The following RNASEL variants were observed in gnomAD, a reference collection of about 807,000 sequenced individuals.
RNASEL encodes the protein ribonuclease L.
Under a neutral mutation model 50.9 loss-of-function variants are expected in RNASEL, and 36 were observed. The ratio of observed to expected loss-of-function variants is 0.71; its 90% confidence interval spans 0.54 to 0.93. The LOEUF (loss-of-function observed/expected upper bound fraction) is 0.93, where lower values mean the gene tolerates loss of function less well. Among genes scored for constraint, RNASEL ranks in the 40% least tolerant of loss-of-function variants. The probability of loss-of-function intolerance (pLI) is 0.00; values close to 1 mark genes in which losing one functional copy is unlikely to be tolerated. For synonymous variants in RNASEL, 335 were observed against 335.6 expected, an observed-to-expected ratio of 1.00 and a Z score of 0.02; for missense variants, 860 against 894.5, an observed-to-expected ratio of 0.96 and a Z score of 0.49.
Position 182,586,329 on chromosome 1 carries a change from C to T in RNASEL, c.478G>A (p.Asp160Asn). 6.2e-7 allele frequency: 1 copy of T among 1,614,212 alleles called. No individual in the cohort carries two copies. Among genetic ancestry groups the T allele is most frequent in the Non-Finnish European group, 8.5e-7 (1 of 1,180,040 alleles). ...NVNLRRKTKE[D>N]QERLRKGGAT... ...CCTCCTTTCCTCAGCCGCTCTTGAT[C>T]CTCCTTTGTCTTTCGCCTCAAATTC... is the stretch of plus-strand genomic sequence containing the variant. The change falls in exon 2 of 7, where the codon GAT becomes AAT. Residue 160 changes from aspartate to asparagine, a missense_variant. Coordinates refer to ENST00000367559, the MANE Select transcript of RNASEL (RefSeq NM_021133.4).
chr1:182,580,905 G>A (rs1039788162), intron 5 of RNASEL, among the ~76,000 whole-genome samples: 1 of 152,078 alleles, frequency 6.6e-6, no homozygotes, highest in African/African-American at 2.4e-5. Context: ...AGCTGCTCGT[G>A]CCATAATGGC....
At chr1:182,579,959 G>A in intron 5 of RNASEL, 1 of 457,312 alleles carries the variant, frequency 2.2e-6, no homozygotes, top group Non-Finnish European at 4.4e-6. Flanking sequence ...ACCCCTTACT[G>A]GTTCTGTGTA....
rs775380634 is a variant in RNASEL at position 182,582,051 on chromosome 1, A to C, written c.1772+2T>G. On this transcript the variant is annotated splice_donor_variant, in intron 4 of 6. Transcript: ENST00000367559. LOFTEE classifies it high-confidence loss of function. The stretch of plus-strand genomic sequence containing the variant: ...GTGGCATCTGCACAAAGTTTTACTT[A>C]CCTCTCCCAAGTCCAAAAGAAGGGA... 1 of 1,613,906 alleles carries C rather than the reference A, an allele frequency of 6.2e-7. No homozygotes were observed.
chr1:182,582,075 G>T lies in RNASEL; in HGVS notation c.1750C>A (p.Pro584Thr). 6.2e-7 allele frequency: 1 copy of T among 1,614,150 alleles called. No homozygotes were observed. Among genetic ancestry groups the T allele is most frequent in the African/African-American group, 1.3e-5 (1 of 75,050 alleles). ...RDCLSDLLGHPFFWTWESRYR... is the reference protein window; with the variant it reads ...RDCLSDLLGHTFFWTWESRYR... ...TACCTCTCCCAAGTCCAAAAGAAGG[G>T]ATGACCCAGCAGGTCACTCAGACAG... The change falls in exon 4 of 7, where the codon CCC becomes ACC. Residue 584 changes from proline (P) to threonine (T), a missense_variant. Pro to Thr is a conservative substitution (Grantham distance 38). Transcript: ENST00000367559.
At chr1:182,582,771 G>A (rs1661520651) in intron 3 of RNASEL, among the ~76,000 whole-genome samples, 1 of 152,192 alleles carries the variant, frequency 6.6e-6, no homozygotes, top group African/African-American at 2.4e-5. Context: ...CACCAGTCAA[G>A]GAGGGAGCTG....
At chr1:182,589,043 C>G (rs892632498) in intron 1 of RNASEL, 124 bp downstream of exon 1, 1 of 152,306 alleles carries the variant, frequency 6.6e-6, no homozygotes. Context: ...CAGCCAAGGG[C>G]TGGGAGCTCC....
rs771436228 is a variant in RNASEL, at chr1:182,575,458, G to A, written c.2160C>T (p.His720=). The A allele has an allele frequency of 6.2e-7, 1 of 1,614,196 alleles. No homozygotes were observed. The highest frequency in any genetic ancestry group is 8.5e-7 in the Non-Finnish European group (1 of 1,180,034). ...CATCACACTGAGGCTTGTTTGGACT[G>A]TGGGTTTGGGGGAAATGCTTTCTAT... ...TEYRKHFPQT[H]SPNKPQCDGA... is the part of the protein sequence containing the mutation. The change falls in exon 7 of 7, where the codon CAC becomes CAT. Residue 720 remains histidine, a synonymous_variant. Coordinates refer to ENST00000367559, the MANE Select transcript of RNASEL (RefSeq NM_021133.4).
intron 5 of RNASEL, among the ~76,000 whole-genome samples, chr1:182,580,789 G>A (rs968071625): frequency 6.6e-6 from 1 of 152,220 alleles, no homozygotes. Flanking sequence ...TCTGTGTGTG[G>A]ATCCTGAGAG....
Position 182,573,836 on chromosome 1 carries a change from T to C in RNASEL, c.*1556A>G, listed in dbSNP as rs929875064. 4 of 190,224 alleles carry C rather than the reference T, an allele frequency of 2.1e-5. No homozygotes were observed. The highest frequency in any genetic ancestry group is 7.0e-5 in the African/African-American group (3 of 43,022). 11.8% of individuals were successfully genotyped at this position (190,224 alleles called of 1,614,324 possible). Reference sequence around the variant, plus strand: ...TCAGTGGTATCTATTTATCCATTGCTAGATACCTCCTTTTCAGAAAGAACC... The same window carrying C: ...TCAGTGGTATCTATTTATCCATTGCCAGATACCTCCTTTTCAGAAAGAACC... On this transcript the variant is annotated 3_prime_UTR_variant, in exon 7 of 7. Transcript: ENST00000367559.
Position 182,586,779 on chromosome 1 carries a change from G to A in RNASEL, c.28C>T (p.Gln10Ter), listed in dbSNP as rs748401301. The A allele has an allele frequency of 6.2e-7, 1 of 1,614,230 alleles. No individual in the cohort carries two copies. Among genetic ancestry groups the A allele is most frequent in the Non-Finnish European group, 8.5e-7 (1 of 1,180,044 alleles). Residue 10 changes from glutamine (Q) to a stop codon, truncating the protein, a stop_gained, in exon 2 of 7, where the codon CAG (glutamine) becomes TAG (stop). Transcript: ENST00000367559. LOFTEE classifies it high-confidence loss of function. ...CCGCTGGAGGACGTGGGTCCCTCCT[G>A]GGGGTTGTTATGATCCCTGCTCTCC... MESRDHNNP[Q>*]EGPTSSSGRR... is the part of the protein sequence containing the mutation.
At chr1:182,585,298 T>C in intron 2 of RNASEL, 29 bp downstream of exon 2, 1 of 1,609,522 alleles carries the variant, frequency 6.2e-7, no homozygotes. Context: ...CCACAATTTC[T>C]AAGAGAGAAT....
Position 182,586,272 on chromosome 1 carries a change from C to T in RNASEL, c.535G>A (p.Gly179Arg), listed in dbSNP as rs1306736211. 6.2e-7 allele frequency: 1 copy of T among 1,614,076 alleles called. No homozygotes were observed. Among genetic ancestry groups the T allele is most frequent in the African/African-American group, 1.3e-5 (1 of 74,924 alleles). ...ATALMDAAEK[G>R]HVEVLKILLD... ...AGAATCTTCAAGACCTCTACGTGTC[C>T]TTTTTCAGCAGCGTCCATGAGAGCT... The change falls in exon 2 of 7, where the codon GGA becomes AGA. Residue 179 changes from glycine to arginine, a missense_variant. By Grantham distance (125) the Gly-to-Arg change is moderately radical (BLOSUM62 -2). Coordinates refer to ENST00000367559, the MANE Select transcript of RNASEL (RefSeq NM_021133.4).
Position 182,586,505 on chromosome 1 carries a change from A to G in RNASEL, c.302T>C (p.Ile101Thr), listed in dbSNP as rs115634589. Residue 101 changes from isoleucine (I) to threonine (T), a missense_variant, in exon 2 of 7, where the codon ATT becomes ACT. Ile to Thr is a moderately conservative substitution (Grantham distance 89, BLOSUM62 -1). Coordinates refer to ENST00000367559, the MANE Select transcript of RNASEL (RefSeq NM_021133.4). ...NGATPFILAAIAGSVKLLKLF... is the reference protein window; with the variant it reads ...NGATPFILAATAGSVKLLKLF... Reference sequence around the variant, plus strand: ...TTTCAGCAGCTTCACGCTCCCCGCAATCGCTGCGAGGATAAAAGGCGTGGC... The same window carrying G: ...TTTCAGCAGCTTCACGCTCCCCGCAGTCGCTGCGAGGATAAAAGGCGTGGC... 916 of 1,611,628 alleles carry G rather than the reference A, an allele frequency of 5.7e-4. 1 individual carries two copies. Among genetic ancestry groups the G allele is most frequent in the Middle Eastern group, 4.1e-3 (25 of 6,052 alleles).
chr1:182,582,114 C>A lies in RNASEL; in HGVS notation c.1711G>T (p.Glu571Ter). The change falls in exon 4 of 7, where the codon GAA (glutamate) becomes TAA (stop). Residue 571 changes from glutamate to a stop codon, truncating the protein, a stop_gained. Coordinates refer to ENST00000367559, the MANE Select transcript of RNASEL (RefSeq NM_021133.4). LOFTEE classifies it high-confidence loss of function. ...DLIHRLFHPG[E>*]HVRDCLSDLL... ...TCACTCAGACAGTCCCTCACATGTT[C>A]CCCAGGATGGAAGAGACGATGAATG... 1 of 1,614,218 alleles carries A rather than the reference C, an allele frequency of 6.2e-7. No homozygotes were observed. Among genetic ancestry groups the A allele is most frequent in the Non-Finnish European group, 8.5e-7 (1 of 1,180,040 alleles).
chr1:182,585,925 T>A lies in RNASEL; in HGVS notation c.882A>T (p.Lys294Asn). 3 of 1,614,134 alleles carry A rather than the reference T, an allele frequency of 1.9e-6. No individual in the cohort carries two copies. In the South Asian group the frequency reaches 3.3e-5, roughly 18 times the overall value. The change falls in exon 2 of 7, where the codon AAA becomes AAT. Residue 294 changes from lysine (K) to asparagine (N), a missense_variant. Transcript: ENST00000367559. ...KLKKIAELLCKRGASTDCGDL... is the reference protein window; with the variant it reads ...KLKKIAELLCNRGASTDCGDL... ...CCCCACAATCTGTACTGGCTCCACG[T>A]TTGCACAGCAACTCGGCGATTTTCT...
chr1:182,577,060 T>C (rs183647666), intron 5 of RNASEL: 10 of 149,264 alleles, frequency 6.7e-5, no homozygotes, highest in East Asian at 2.0e-4. Flanking sequence ...TTTTTTTGTA[T>C]TTTTAGTAGA....
chr1:182,576,669 C>A, intron 5 of RNASEL: 1 of 286,156 alleles, frequency 3.5e-6, no homozygotes. Context: ...GAGATTGAGA[C>A]CAGCCTGGCC....
rs185208631 is a variant in RNASEL, at chr1:182,582,290, G to T, written c.1567-32C>A. Reference sequence around the variant, plus strand: ...AAAAGCCATAAATCAAGCCAAAGATGCTTACTAATTATTTGGGTAACCCTG... The same window carrying T: ...AAAAGCCATAAATCAAGCCAAAGATTCTTACTAATTATTTGGGTAACCCTG... On this transcript the variant is annotated intron_variant, in intron 3 of 6. Coordinates refer to ENST00000367559, the MANE Select transcript of RNASEL (RefSeq NM_021133.4). 7.4e-5 allele frequency: 119 copies of T among 1,610,264 alleles called. No homozygotes were observed. In the East Asian group the frequency reaches 2.5e-3, roughly 33 times the overall value.
chr1:182,586,047 A>C lies in RNASEL; in HGVS notation c.760T>G (p.Leu254Val). 1 of 1,613,986 alleles carries C rather than the reference A, an allele frequency of 6.2e-7. No homozygotes were observed. Among genetic ancestry groups the C allele is most frequent in the Non-Finnish European group, 8.5e-7 (1 of 1,180,008 alleles). The change falls in exon 2 of 7, where the codon TTG becomes GTG. Residue 254 changes from leucine to valine, a missense_variant. By Grantham distance (32) the Leu-to-Val change is conservative. Transcript: ENST00000367559. ...TCTTGCTCCAGAAGCCTCTGCACCA[A>C]ACCCAAGTGCTTCTTCTCCACTGCC... Reference protein sequence around the residue: ...ILAVEKKHLGLVQRLLEQEHI... With the variant: ...ILAVEKKHLGVVQRLLEQEHI...
Sources: gnomAD v4.1 joint callset for allele counts (sites outside exome capture counted in the v4.1 genomes callset) on GRCh38, gnomAD v4.1.1 for gene constraint, MANE v1.5 for transcripts, NCBI Gene and HGNC (gene_info 2026-07-23, HGNC 2026-07-21) for gene names.